The following STXBP4 variants were observed in gnomAD, a reference collection of about 807,000 sequenced individuals.
STXBP4 encodes syntaxin-binding protein 4.
STXBP4 carries 55 observed loss-of-function variants against 76.1 expected under a neutral mutation model. That is an observed-to-expected ratio of 0.72 (90% CI 0.58 to 0.91). The LOEUF is 0.91. STXBP4 is among the 40% of genes least tolerant of loss of function. The pLI, the probability that STXBP4 is intolerant of heterozygous loss-of-function variation, is 0.00. For synonymous variants in STXBP4, 201 were observed against 220.2 expected, an observed-to-expected ratio of 0.91 and a Z score of 0.77; for missense variants, 618 against 636.9, an observed-to-expected ratio of 0.97 and a Z score of 0.32.
intron 8 of STXBP4, among the ~76,000 whole-genome samples, chr17:55,015,667 CT>C (rs1376650461): frequency 1.3e-5 from 2 of 151,754 alleles, no homozygotes; most frequent in Admixed American, 6.6e-5. Flanking sequence ...AATATTGGCA[CT>C]CTTTGGTTTG....
At chr17:54,996,230 G>A (rs755156554) in intron 4 of STXBP4, among the ~76,000 whole-genome samples, 13 of 149,708 alleles carry the variant, frequency 8.7e-5, no homozygotes, top group Middle Eastern at 3.4e-3. Context: ...GCAGAGAAGT[G>A]GCAGGGTGGA....
chr17:55,192,960 G>C, the STXBP4 span, among the ~76,000 whole-genome samples: 51 of 152,266 alleles, frequency 3.3e-4, 2 homozygotes, highest in Non-Finnish European at 2.5e-4. Context: ...AACCTGCAGC[G>C]ATCTCTCTGA....
chr17:55,023,916 C>CAAAA (rs61454264), intron 8 of STXBP4, among the ~76,000 whole-genome samples: 7 of 62,226 alleles, frequency 1.1e-4, no homozygotes, highest in South Asian at 7.3e-4. Flanking sequence ...GGCCCTTTTC[C>CAAAA]AAAAAAAAAA....
intron 12 of STXBP4, among the ~76,000 whole-genome samples, chr17:55,056,072 G>C (rs1049105621): frequency 1.3e-5 from 2 of 152,140 alleles, no homozygotes; most frequent in African/African-American, 2.4e-5. Context: ...ATAAAAGGCT[G>C]TTGTAATAGT....
intron 16 of STXBP4, among the ~76,000 whole-genome samples, chr17:55,135,274 A>T (rs1479488484): frequency 6.6e-6 from 1 of 152,148 alleles, no homozygotes; most frequent in Non-Finnish European, 1.5e-5. Flanking sequence ...TTCTAACTAG[A>T]AATAGCTCAT....
chr17:55,176,699 T>C (rs892809828), downstream of STXBP4, among the ~76,000 whole-genome samples: 3 of 152,094 alleles, frequency 2.0e-5, no homozygotes, highest in Non-Finnish European at 4.4e-5. Flanking sequence ...TCTGTGAGGG[T>C]GTTTCTGAAA....
rs1014961099 is a variant in STXBP4, at chr17:55,102,785, T to G, written c.1489+21602T>G. Among the ~76,000 whole-genome samples, 5 of 152,238 alleles carry G rather than the reference T, an allele frequency of 3.3e-5. No homozygotes were observed. In the South Asian group the frequency reaches 1.0e-3, roughly 32 times the overall value. ...CTATTTCTTCATATCCTCTCCAGCA[T>G]CTGTTGTTTCCTGACTTTTTAATGA... On this transcript the variant is annotated intron_variant, in intron 16 of 17. Transcript: ENST00000376352.
chr17:55,121,960 G>GA (rs1428936149), intron 16 of STXBP4, among the ~76,000 whole-genome samples: 8 of 151,960 alleles, frequency 5.3e-5, no homozygotes, highest in Non-Finnish European at 1.2e-4. Flanking sequence ...GTAGAAAGAT[G>GA]AAAAAACCTG....
At chr17:55,082,959 C>T (rs1326247804) in intron 16 of STXBP4, among the ~76,000 whole-genome samples, 1 of 150,072 alleles carries the variant, frequency 6.7e-6, no homozygotes, top group East Asian at 1.9e-4. Context: ...TAGTTGCATG[C>T]AAGAAAGCAT....
chr17:55,151,680 G>T (rs550014111), intron 17 of STXBP4, among the ~76,000 whole-genome samples: 1 of 152,134 alleles, frequency 6.6e-6, no homozygotes, highest in Non-Finnish European at 1.5e-5. Flanking sequence ...GGGACCGAAG[G>T]GAAGCGTGAG....
chr17:55,087,828 G>C (rs529393651), intron 16 of STXBP4, among the ~76,000 whole-genome samples: 1 of 151,098 alleles, frequency 6.6e-6, no homozygotes, highest in African/African-American at 2.4e-5. Flanking sequence ...ATTGCTTTGG[G>C]TAGTATTGTT....
intron 17 of STXBP4, among the ~76,000 whole-genome samples, chr17:55,145,761 A>G (rs2080146204): frequency 6.6e-6 from 1 of 152,144 alleles, no homozygotes. Context: ...ACCAATGTAT[A>G]TATGCATATA....
At chr17:54,982,977 CTACTT>C (rs2077571865) in intron 1 of STXBP4, among the ~76,000 whole-genome samples, 2 of 152,198 alleles carry the variant, frequency 1.3e-5, no homozygotes, top group Admixed American at 6.5e-5. Flanking sequence ...GGTTCAAACT[CTACTT>C]TACAACTAGC....
chr17:55,149,030 C>G (rs2080186840), intron 17 of STXBP4, among the ~76,000 whole-genome samples: 1 of 152,162 alleles, frequency 6.6e-6, no homozygotes, highest in African/African-American at 2.4e-5. Flanking sequence ...GCTCCTCACT[C>G]TCTTTTACAT....
At chr17:55,012,366 A>G (rs577672399) in intron 8 of STXBP4, among the ~76,000 whole-genome samples, 13 of 152,282 alleles carry the variant, frequency 8.5e-5, no homozygotes, top group African/African-American at 3.1e-4. Flanking sequence ...GGTTCCTTCT[A>G]TAAGCATTTC....
chr17:55,025,175 A>C (rs1208062169), intron 8 of STXBP4, among the ~76,000 whole-genome samples: 2 of 152,158 alleles, frequency 1.3e-5, no homozygotes, highest in Non-Finnish European at 2.9e-5. Flanking sequence ...AAAAAAAAGT[A>C]AGTTATAGAT....
intron 16 of STXBP4, among the ~76,000 whole-genome samples, chr17:55,095,683 G>A (rs1164521000): frequency 1.3e-5 from 2 of 152,088 alleles, no homozygotes; most frequent in African/African-American, 2.4e-5. Flanking sequence ...TATCAGTTTT[G>A]CAGTTCTAAA....
chr17:55,027,681 A>G (rs1198529814), intron 8 of STXBP4, among the ~76,000 whole-genome samples: 4 of 152,216 alleles, frequency 2.6e-5, no homozygotes, highest in South Asian at 2.1e-4. Context: ...TTATGAAGCT[A>G]AAAAACCAGT....
chr17:55,032,174 G>A (rs1027208349), intron 9 of STXBP4, among the ~76,000 whole-genome samples: 3 of 151,820 alleles, frequency 2.0e-5, no homozygotes, highest in Non-Finnish European at 4.4e-5. Context: ...TTGTCTTCTT[G>A]TCACTATTAA....
Sources: allele counts gnomAD v4.1 joint callset (sites outside exome capture counted in the v4.1 genomes callset), GRCh38; gene constraint gnomAD v4.1.1; transcripts MANE v1.5; gene names NCBI Gene and HGNC (gene_info 2026-07-23, HGNC 2026-07-21).